The following ZNF407 variants were observed in gnomAD, a reference collection of about 807,000 sequenced individuals.
ZNF407 encodes the protein zinc finger protein 407.
Under a neutral mutation model 131.2 loss-of-function variants are expected in ZNF407, and 17 were observed. The observed-to-expected ratio is 0.13, with a 90% confidence interval of 0.09 to 0.19. ZNF407 has a LOEUF of 0.19. Ranked by LOEUF, ZNF407 falls within the 10% of genes least tolerant of loss-of-function variation. The probability of loss-of-function intolerance (pLI) is 1.00; values close to 1 mark genes in which losing one functional copy is unlikely to be tolerated. For synonymous variants in ZNF407, 1,156 were observed against 1,062.0 expected (o/e 1.09, Z -1.72); for missense variants, 2,681 against 2,830.6 (o/e 0.95, Z 1.20).
intron 3 of ZNF407, among the ~76,000 whole-genome samples, chr18:74,755,908 T>TTC (rs1968949396): frequency 8.4e-6 from 1 of 118,632 alleles, no homozygotes. Flanking sequence ...TTTTTTTTTT[T>TTC]TTTGAGACTG....
In ZNF407 at chr18:74,870,610, A is replaced by G. The variant is rs142375911; in HGVS notation, c.4878-6587A>G. Among the ~76,000 whole-genome samples the G allele has an allele frequency of 3.0e-4, 45 of 152,322 alleles. No individual in the cohort carries two copies. The East Asian group carries it at 8.5e-3, about 29-fold the overall frequency. ...AAATGATCTAGATATTAGTATTATC[A>G]TGGAACATTTTTGGTGTCTGGATGT... On this transcript the variant is annotated intron_variant, in intron 4 of 8. Coordinates refer to ENST00000299687, the MANE Select transcript of ZNF407 (RefSeq NM_017757.3).
At chr18:75,016,178 G>A (rs911475439) in intron 8 of ZNF407, among the ~76,000 whole-genome samples, 22 of 152,012 alleles carry the variant, frequency 1.4e-4, no homozygotes. Flanking sequence ...TAGCGTGGTG[G>A]ATGTTGATTT....
chr18:74,758,381 C>G (rs929822308), intron 3 of ZNF407, among the ~76,000 whole-genome samples: 3 of 152,110 alleles, frequency 2.0e-5, no homozygotes, highest in Non-Finnish European at 2.9e-5. Context: ...CATCTTATAA[C>G]AATCTAGTTT....
chr18:74,985,243 A>G (rs1043358501), intron 8 of ZNF407, among the ~76,000 whole-genome samples: 5 of 152,216 alleles, frequency 3.3e-5, no homozygotes, highest in African/African-American at 1.2e-4. Context: ...ACCTCCTTAA[A>G]ATACCCTTTA....
chr18:74,802,512 GA>G (rs1217986716), intron 4 of ZNF407, among the ~76,000 whole-genome samples: 1 of 152,306 alleles, frequency 6.6e-6, no homozygotes, highest in Admixed American at 6.5e-5. Context: ...ATTGGAAGGA[GA>G]GGGAAAATAT....
At chr18:75,050,246 G>A (rs903161235) in intron 8 of ZNF407, among the ~76,000 whole-genome samples, 8 of 151,986 alleles carry the variant, frequency 5.3e-5, no homozygotes, top group South Asian at 2.1e-4. Flanking sequence ...TGTGTGTCAA[G>A]CACAATGCTA....
At chr18:74,886,878 A>G (rs765327176) in intron 6 of ZNF407, among the ~76,000 whole-genome samples, 24 of 152,214 alleles carry the variant, frequency 1.6e-4, no homozygotes, top group Non-Finnish European at 2.6e-4. Flanking sequence ...GCCTCACTGA[A>G]GCTGTTTAAA....
chr18:74,631,145 T>C lies in ZNF407; in HGVS notation c.126T>C (p.Ser42=). The C allele has an allele frequency of 3.1e-6, 5 of 1,613,980 alleles. No individual in the cohort carries two copies. Among genetic ancestry groups the C allele is most frequent in the Non-Finnish European group, 2.5e-6 (3 of 1,179,894 alleles). The change falls in exon 2 of 9, where the codon AGT becomes AGC. Residue 42 remains serine (S), a synonymous_variant. Transcript: ENST00000299687. The stretch of plus-strand genomic sequence containing the variant: ...GGCCTGTATCTGATGTGATAGCAAG[T>C]TTCCCTGAGAATTCTATGGGCAAAA... The part of the protein sequence containing the change: ...DGGPVSDVIA[S]FPENSMGKRG...
chr18:74,683,798 C>G (rs1019367385), intron 3 of ZNF407, among the ~76,000 whole-genome samples: 2 of 152,130 alleles, frequency 1.3e-5, no homozygotes, highest in African/African-American at 4.8e-5. Flanking sequence ...TAAAAAGAAT[C>G]AAATTATTTC....
At chr18:74,719,663 A>G (rs376288455) in intron 3 of ZNF407, among the ~76,000 whole-genome samples, 14 of 152,322 alleles carry the variant, frequency 9.2e-5, no homozygotes, top group African/African-American at 3.1e-4. Flanking sequence ...TCAGCCTCCC[A>G]AAGTGCTGGG....
chr18:75,011,054 C>T (rs1972968611), intron 8 of ZNF407, among the ~76,000 whole-genome samples: 1 of 152,130 alleles, frequency 6.6e-6, no homozygotes, highest in Non-Finnish European at 1.5e-5. Context: ...CTTGGAAAAC[C>T]TGTGTGGAAT....
At chr18:75,061,025 C>T (rs1973627184) in intron 8 of ZNF407, among the ~76,000 whole-genome samples, 1 of 152,204 alleles carries the variant, frequency 6.6e-6, no homozygotes, top group Non-Finnish European at 1.5e-5. Context: ...CACTGGAAGA[C>T]AGGCCCTGTC....
chr18:74,789,575 A>G (rs1334370489), intron 4 of ZNF407, among the ~76,000 whole-genome samples: 1 of 152,114 alleles, frequency 6.6e-6, no homozygotes, highest in African/African-American at 2.4e-5. Context: ...TCTGTCTGTA[A>G]GAGAAAGCCA....
chr18:74,659,809 C>T (rs1484241531), intron 3 of ZNF407, among the ~76,000 whole-genome samples: 1 of 152,130 alleles, frequency 6.6e-6, no homozygotes, highest in Admixed American at 6.5e-5. Context: ...TACAAGTTTT[C>T]TGGGCTTTGT....
At chr18:74,727,183 G>A (rs1167933007) in intron 3 of ZNF407, among the ~76,000 whole-genome samples, 1 of 152,174 alleles carries the variant, frequency 6.6e-6, no homozygotes, top group Non-Finnish European at 1.5e-5. Context: ...CATGAAAACG[G>A]TGAAGGATTC....
chr18:74,871,913 A>G (rs1971092757), intron 4 of ZNF407, among the ~76,000 whole-genome samples: 1 of 149,300 alleles, frequency 6.7e-6, no homozygotes, highest in African/African-American at 2.5e-5. Flanking sequence ...TTTGCTGCCC[A>G]GGCTGGAGTG....
intron 3 of ZNF407, among the ~76,000 whole-genome samples, chr18:74,653,885 G>C (rs1985335887): frequency 6.6e-6 from 1 of 151,752 alleles, no homozygotes. Context: ...TGACATTGTT[G>C]GCTTATGTGT....
chr18:75,057,907 A>AT (rs895668206), intron 8 of ZNF407, among the ~76,000 whole-genome samples: 35 of 152,104 alleles, frequency 2.3e-4, no homozygotes, highest in African/African-American at 8.2e-4. Context: ...CCCTTGTTTT[A>AT]TTTTTTTCAT....
At chr18:75,025,041 C>G (rs1973155198) in intron 8 of ZNF407, among the ~76,000 whole-genome samples, 1 of 152,186 alleles carries the variant, frequency 6.6e-6, no homozygotes, top group South Asian at 2.1e-4. Flanking sequence ...CATCGGTTAT[C>G]AAGTTTGCAC....
Sources: gnomAD v4.1 joint callset for allele counts (sites outside exome capture counted in the v4.1 genomes callset) on GRCh38, gnomAD v4.1.1 for gene constraint, MANE v1.5 for transcripts, NCBI Gene and HGNC (gene_info 2026-07-23, HGNC 2026-07-21) for gene names.